DGKI: variants seen among roughly 807,000 people sequenced by gnomAD.
The protein encoded by DGKI is diacylglycerol kinase iota, also known as DAG kinase iota.
In DGKI, 55 loss-of-function variants were observed where a neutral mutation model predicts 147.5. The observed-to-expected ratio is 0.37, with a 90% confidence interval of 0.30 to 0.47. DGKI has a LOEUF of 0.47. Among genes scored for constraint, DGKI ranks in the 20% least tolerant of loss-of-function variants. DGKI has a pLI of 1.00. For synonymous variants in DGKI, 469 were observed against 477.1 expected (o/e 0.98, Z 0.22); for missense variants, 1,007 against 1,323.8 (o/e 0.76, Z 3.71).
intron 1 of DGKI, among the ~76,000 whole-genome samples, chr7:137,720,321 G>A (rs549414494): frequency 2.2e-5 from 3 of 137,480 alleles, no homozygotes; most frequent in South Asian, 4.6e-4. Context: ...GCAGTGGTGC[G>A]ATCTCGGCTC....
rs964712946 is a variant in DGKI, at chr7:137,388,612, G to C, written c.*2608C>G. The C allele has an allele frequency of 6.6e-6, 1 of 152,134 alleles. No individual in the cohort carries two copies. Among genetic ancestry groups the C allele is most frequent in the African/African-American group, 2.4e-5 (1 of 41,430 alleles). The allele number at this position is 152,134 out of a possible 1,614,324, so 9.4% of individuals were successfully genotyped here. A position where few individuals can be genotyped will look rare whatever the true frequency, so the allele number is the denominator to read the frequency against. On this transcript the variant is annotated 3_prime_UTR_variant, in exon 33 of 33. Coordinates refer to ENST00000614521, the MANE Select transcript of DGKI (RefSeq NM_001321708.2). ...TGAGATGGAAACTCCTAGACCATAA[G>C]GCCTTAGCTCTTTCCAAAGCCCAGG...
intron 1 of DGKI, among the ~76,000 whole-genome samples, chr7:137,820,367 A>G (rs1361751979): frequency 1.3e-5 from 2 of 152,192 alleles, no homozygotes; most frequent in African/African-American, 4.8e-5. Context: ...TCTCTTCATC[A>G]GAACATAGTT....
intron 3 of DGKI, among the ~76,000 whole-genome samples, chr7:137,674,678 C>T (rs1458308571): frequency 6.6e-6 from 1 of 152,212 alleles, no homozygotes; most frequent in Non-Finnish European, 1.5e-5. Flanking sequence ...ATGATTGCCA[C>T]CTCGTTTGTA....
At chr7:137,783,187 G>A (rs1355372097) in intron 1 of DGKI, among the ~76,000 whole-genome samples, 4 of 152,176 alleles carry the variant, frequency 2.6e-5, no homozygotes, top group African/African-American at 9.7e-5. Flanking sequence ...AATCAAGGAG[G>A]CACCAGAGAA....
chr7:137,722,666 A>G (rs1794601506), intron 1 of DGKI: 1 of 1,584,342 alleles, frequency 6.3e-7, no homozygotes, highest in Admixed American at 1.7e-5. Context: ...AAGCCCAGAC[A>G]CCAGGAAGGT....
At chr7:137,416,933 C>T (rs553339910) in intron 28 of DGKI, among the ~76,000 whole-genome samples, 1 of 152,236 alleles carries the variant, frequency 6.6e-6, no homozygotes, top group African/African-American at 2.4e-5. Context: ...CCAAGGGTAG[C>T]TATTATGCAA....
At chr7:137,628,192 G>GT (rs1821010052) in intron 6 of DGKI, among the ~76,000 whole-genome samples, 1 of 152,088 alleles carries the variant, frequency 6.6e-6, no homozygotes, top group Non-Finnish European at 1.5e-5. Flanking sequence ...TAGCCCTCTG[G>GT]TTTTTGGGAG....
intron 21 of DGKI, among the ~76,000 whole-genome samples, chr7:137,508,515 C>T (rs1816454541): frequency 6.6e-6 from 1 of 151,982 alleles, no homozygotes; most frequent in Non-Finnish European, 1.5e-5. Context: ...CTTGAGCCAC[C>T]ATGCCCGGCC....
At chr7:137,655,998 A>G (rs1822205766) in intron 4 of DGKI, among the ~76,000 whole-genome samples, 1 of 152,238 alleles carries the variant, frequency 6.6e-6, no homozygotes, top group Non-Finnish European at 1.5e-5. Flanking sequence ...CAGGAGGAGC[A>G]CTGCCCCAGC....
intron 1 of DGKI, among the ~76,000 whole-genome samples, chr7:137,808,750 A>G (rs61528670): frequency 0.027 from 4,151 of 152,322 alleles, 196 homozygotes; most frequent in African/African-American, 0.095. Flanking sequence ...CCCGAGCAGA[A>G]AAAGGAAGAA....
intron 29 of DGKI, among the ~76,000 whole-genome samples, chr7:137,410,672 A>G (rs1352676899): frequency 6.6e-6 from 1 of 152,264 alleles, no homozygotes. Context: ...TGCCTGAACT[A>G]AAAGCATATA....
chr7:137,472,367 TA>T lies in DGKI; in HGVS notation c.2374-2749del, dbSNP rs1441367109. ...TAATTATTATATGTATATATACATA[TA>T]ATTATTATATGTATATATACATATT... On this transcript the variant is annotated intron_variant, in intron 23 of 32. Transcript: ENST00000614521. Among the ~76,000 whole-genome samples, 5 of 5,020 alleles carry T rather than the reference TA, an allele frequency of 1.0e-3. 1 individual carries two copies. Among genetic ancestry groups the T allele is most frequent in the African/African-American group, 2.3e-3 (4 of 1,744 alleles). 3.3% of individuals were successfully genotyped at this position (5,020 alleles called of 152,430 possible). A position where few individuals can be genotyped will look rare whatever the true frequency, so the allele number is the denominator to read the frequency against.
At chr7:137,843,341 C>T (rs1307204396) in intron 1 of DGKI, 3 of 806,758 alleles carry the variant, frequency 3.7e-6, no homozygotes, top group Non-Finnish European at 3.0e-6. Context: ...GTTGCAGCAC[C>T]ATAATTTGCA....
intron 3 of DGKI, among the ~76,000 whole-genome samples, chr7:137,672,287 G>A (rs1215656132): frequency 6.6e-6 from 1 of 152,190 alleles, no homozygotes; most frequent in Non-Finnish European, 1.5e-5. Flanking sequence ...CCCTAAGAAA[G>A]CAAAGAAGCC....
intron 1 of DGKI, among the ~76,000 whole-genome samples, chr7:137,744,167 A>T (rs1795259965): frequency 6.6e-6 from 1 of 152,122 alleles, no homozygotes; most frequent in Non-Finnish European, 1.5e-5. Context: ...AAAGAAAAAG[A>T]GAAGATCCAA....
intron 23 of DGKI, among the ~76,000 whole-genome samples, chr7:137,477,242 C>A (rs1264848068): frequency 2.0e-5 from 3 of 152,038 alleles, no homozygotes; most frequent in African/African-American, 4.8e-5. Context: ...CAACCCCAAC[C>A]CAGACACAGG....
intron 28 of DGKI, among the ~76,000 whole-genome samples, chr7:137,423,905 C>A (rs1361051140): frequency 2.0e-5 from 3 of 152,122 alleles, no homozygotes; most frequent in African/African-American, 7.2e-5. Flanking sequence ...TTCTGGGATA[C>A]ACGTGCAGAA....
At chr7:137,537,913 GAGGAA>G (rs1194917795) in intron 20 of DGKI, among the ~76,000 whole-genome samples, 2 of 152,158 alleles carry the variant, frequency 1.3e-5, no homozygotes, top group African/African-American at 4.8e-5. Context: ...TTTATAAAGA[GAGGAA>G]AGGAAAGGAA....
chr7:137,609,360 G>T (rs949125917), intron 9 of DGKI, among the ~76,000 whole-genome samples, 175 bp downstream of exon 9: 1 of 152,106 alleles, frequency 6.6e-6, no homozygotes, highest in Non-Finnish European at 1.5e-5. Flanking sequence ...GGTTAGTTTT[G>T]AGTGTTTGTT....
Sources: gnomAD v4.1 joint callset for allele counts (sites outside exome capture counted in the v4.1 genomes callset) on GRCh38, gnomAD v4.1.1 for gene constraint, MANE v1.5 for transcripts, NCBI Gene and HGNC (gene_info 2026-07-23, HGNC 2026-07-21) for gene names.